The following CRHBP variants were observed in gnomAD, a reference collection of about 807,000 sequenced individuals.
The protein encoded by CRHBP is corticotropin releasing hormone binding protein.
In CRHBP, 19 loss-of-function variants were observed where a neutral mutation model predicts 34.9. That is an observed-to-expected ratio of 0.55 (90% CI 0.38 to 0.80). The LOEUF (loss-of-function observed/expected upper bound fraction) is 0.80. Among genes scored for constraint, CRHBP ranks in the 30% least tolerant of loss-of-function variants. The probability of loss-of-function intolerance (pLI) is 0.00; values close to 1 mark genes in which losing one functional copy is unlikely to be tolerated. For missense variants in CRHBP, 328 were observed against 409.2 expected (o/e 0.80, Z 1.71); for synonymous variants, 154 against 153.4 (o/e 1.00, Z -0.03).
downstream of CRHBP, among the ~76,000 whole-genome samples, chr5:76,972,021 C>T (rs113766209): frequency 0.018 from 2,747 of 152,226 alleles, 77 homozygotes; most frequent in African/African-American, 0.062. Flanking sequence ...GTCACTGTCA[C>T]CATCTAATTT....
At chr5:76,971,899 T>G (rs879836272), downstream of CRHBP, among the ~76,000 whole-genome samples, 2 of 152,232 alleles carry the variant, frequency 1.3e-5, no homozygotes, top group African/African-American at 2.4e-5. Flanking sequence ...TAGGTCTTTC[T>G]GAATACCAAT....
Position 76,953,417 on chromosome 5 carries a change from C to A in CRHBP, c.82-184C>A, listed in dbSNP as rs1186455965. On this transcript the variant is annotated intron_variant, in intron 1 of 6. Coordinates refer to ENST00000274368, the MANE Select transcript of CRHBP (RefSeq NM_001882.4). ...GACTGCCTGCCTGCCTTCCTCTGGC[C>A]GCTGGGGATACCCTGGCCTGATGGA... The A allele has an allele frequency of 3.5e-6, 3 of 851,226 alleles. No homozygotes were observed. The African/African-American group carries it at 5.1e-5, about 14-fold the overall frequency. The allele number at this position is 851,226 out of a possible 1,614,324, so 52.7% of individuals were successfully genotyped here. A position where few individuals can be genotyped will look rare whatever the true frequency, so the allele number is the denominator to read the frequency against.
At chr5:76,966,899 T>C (rs1045083504) in intron 6 of CRHBP, among the ~76,000 whole-genome samples, 1 of 152,158 alleles carries the variant, frequency 6.6e-6, no homozygotes, top group East Asian at 1.9e-4. Flanking sequence ...TTATAAAGAT[T>C]AAAGTCCAGA....
At chr5:76,959,080 G>A (rs1745737853) in intron 5 of CRHBP, 191 bp downstream of exon 5, 2 of 522,136 alleles carry the variant, frequency 3.8e-6, no homozygotes, top group Non-Finnish European at 6.5e-6. Context: ...TATGCGGCAA[G>A]TTGCATACTC....
chr5:76,965,915 C>T (rs143492325), intron 6 of CRHBP, among the ~76,000 whole-genome samples: 53 of 152,208 alleles, frequency 3.5e-4, no homozygotes, highest in African/African-American at 1.2e-3. Flanking sequence ...ACAAAGTAGC[C>T]GAAGCAGGGA....
intron 5 of CRHBP, 42 bp from the exon 6 acceptor site, chr5:76,963,301 A>C (rs781172300): frequency 2.1e-5 from 33 of 1,562,118 alleles, no homozygotes; most frequent in Non-Finnish European, 2.8e-5. Flanking sequence ...GACTTCTGTA[A>C]TTGGTTTAAA....
chr5:76,953,625 C>CA lies in CRHBP; in HGVS notation c.106_107insA (p.Pro36HisfsTer79), dbSNP rs1358865840. Reference sequence around the variant, plus strand: ...GCTGAGGGAAGCGGCGGACTACGATCCTTTCCTGCTCTTCAGCGCCAACCT... The same window carrying CA: ...GCTGAGGGAAGCGGCGGACTACGATCACTTTCCTGCTCTTCAGCGCCAACCT... On this transcript the variant is annotated frameshift_variant, in exon 2 of 7. Coordinates refer to ENST00000274368, the MANE Select transcript of CRHBP (RefSeq NM_001882.4). LOFTEE classifies it high-confidence loss of function. 1 of 1,612,960 alleles carries CA rather than the reference C, an allele frequency of 6.2e-7. No individual in the cohort carries two copies. Among genetic ancestry groups the CA allele is most frequent in the Non-Finnish European group, 8.5e-7 (1 of 1,179,608 alleles).
Position 76,957,392 on chromosome 5 carries a change from AATTT to A in CRHBP, c.545-1340_545-1337del, listed in dbSNP as rs563291102. On this transcript the variant is annotated intron_variant, in intron 4 of 6. Coordinates refer to ENST00000274368, the MANE Select transcript of CRHBP (RefSeq NM_001882.4). Reference sequence around the variant, plus strand: ...TATCTAGACTAATTAATGTATTGTAAATTTATTTATTTGAGACGGAGTGTTGCTC... The same window carrying A: ...TATCTAGACTAATTAATGTATTGTAAATTTATTTGAGACGGAGTGTTGCTC... 4.4e-3 allele frequency among the ~76,000 whole-genome samples: 675 copies of A among 152,206 alleles called. 3 individuals are homozygous for A. Among genetic ancestry groups the A allele is most frequent in the African/African-American group, 0.016 (659 of 41,520 alleles).
At position 76,953,269 on chromosome 5, in the gene CRHBP, C is replaced by T. The variant is rs1405879612; in HGVS notation, c.81+54C>T. The stretch of plus-strand genomic sequence containing the variant: ...ACCTTCCTTGCGTGTTAGCCCTAGG[C>T]GGCAGGCAGGCTGCCTCTGCTCGCA... On this transcript the variant is annotated intron_variant, in intron 1 of 6. Coordinates refer to ENST00000274368, the MANE Select transcript of CRHBP (RefSeq NM_001882.4). The T allele has an allele frequency of 1.9e-6, 3 of 1,554,284 alleles. No individual in the cohort carries two copies. In the African/African-American group the frequency reaches 4.1e-5, roughly 21 times the overall value.
Position 76,957,663 on chromosome 5 carries a change from C to T in CRHBP, c.545-1078C>T, listed in dbSNP as rs546904479. 7.2e-5 allele frequency among the ~76,000 whole-genome samples: 11 copies of T among 152,208 alleles called. No homozygotes were observed. In the South Asian group the frequency reaches 1.5e-3, roughly 20 times the overall value. ...CCTCCCAAAGTGCTGGGATTACAGG[C>T]GTGAGCCACCACTCCCGGCCAATGT... On this transcript the variant is annotated intron_variant, in intron 4 of 6. Coordinates refer to ENST00000274368, the MANE Select transcript of CRHBP (RefSeq NM_001882.4).
At chr5:76,953,568 A>G (rs751632530) in intron 1 of CRHBP, 33 bp from the exon 2 acceptor site, 1 of 1,600,406 alleles carries the variant, frequency 6.2e-7, no homozygotes, top group Non-Finnish European at 8.5e-7. Context: ...CCAGCCCTTG[A>G]ACTTTTCCGG....
chr5:76,970,899 G>T (rs1265979445), downstream of CRHBP, among the ~76,000 whole-genome samples: 1 of 152,180 alleles, frequency 6.6e-6, no homozygotes, highest in African/African-American at 2.4e-5. Context: ...TTTGTGACAT[G>T]CTTTACTTCA....
At chr5:76,957,530 C>T (rs1214948218) in intron 4 of CRHBP, among the ~76,000 whole-genome samples, 2 of 152,164 alleles carry the variant, frequency 1.3e-5, no homozygotes, top group South Asian at 2.1e-4. Context: ...GGATTACAGG[C>T]GCCCGTCACC....
At chr5:76,977,393 CCAA>C (rs1746056232) in intron 3 of CRHBP, among the ~76,000 whole-genome samples, 1 of 152,186 alleles carries the variant, frequency 6.6e-6, no homozygotes, top group South Asian at 2.1e-4. Context: ...TGCCATTTTT[CCAA>C]CAACATGTGT....
chr5:76,980,254 C>CA (rs574362034), intron 3 of CRHBP, among the ~76,000 whole-genome samples: 3,495 of 81,294 alleles, frequency 0.043, 105 homozygotes, highest in Admixed American at 0.091. Context: ...GACTCCGTCT[C>CA]AAAAAAAAAA....
chr5:76,953,557 C>A (rs764266942), intron 1 of CRHBP, 44 bp from the exon 2 acceptor site: 2 of 1,577,724 alleles, frequency 1.3e-6, no homozygotes, highest in Non-Finnish European at 1.7e-6. Context: ...CTTTTTTATC[C>A]CCAGCCCTTG....
At chr5:76,980,702 G>A (rs1488371783) in intron 3 of CRHBP, among the ~76,000 whole-genome samples, 3 of 152,172 alleles carry the variant, frequency 2.0e-5, no homozygotes, top group Non-Finnish European at 1.5e-5. Flanking sequence ...CGTAAGTTGG[G>A]TGGGCCTCAA....
intron 6 of CRHBP, among the ~76,000 whole-genome samples, chr5:76,965,972 C>T (rs901263654): frequency 4.6e-5 from 7 of 152,156 alleles, no homozygotes; most frequent in African/African-American, 1.4e-4. Context: ...TGGACCCTAG[C>T]GAGCGGCTCA....
chr5:76,974,055 T>G (rs552525806), downstream of CRHBP, among the ~76,000 whole-genome samples: 1 of 151,958 alleles, frequency 6.6e-6, no homozygotes, highest in South Asian at 2.1e-4. Flanking sequence ...TTCAGTGGCA[T>G]GATCTTGGCT....
Sources: allele counts gnomAD v4.1 joint callset (sites outside exome capture counted in the v4.1 genomes callset), GRCh38; gene constraint gnomAD v4.1.1; transcripts MANE v1.5; gene names NCBI Gene and HGNC (gene_info 2026-07-23, HGNC 2026-07-21).